Variants in MATN2 observed in about 807,000 individuals in gnomAD.
MATN2 encodes matrilin-2.
A neutral mutation model predicts 103.2 loss-of-function variants in MATN2; 69 were observed. The ratio of observed to expected loss-of-function variants is 0.67; its 90% confidence interval spans 0.55 to 0.82. MATN2 has a LOEUF of 0.82. Ranked by LOEUF, MATN2 falls within the 40% of genes least tolerant of loss-of-function variation. MATN2 has a pLI of 0.00. For missense variants in MATN2, 1,023 were observed against 1,211.5 expected, an observed-to-expected ratio of 0.84 and a Z score of 2.31; for synonymous variants, 429 against 450.2, an observed-to-expected ratio of 0.95 and a Z score of 0.60.
At position 98,007,451 on chromosome 8, in the gene MATN2, A is replaced by T. The variant is rs764702475; in HGVS notation, c.1451-28A>T. The stretch of plus-strand genomic sequence containing the variant: ...CTGTCGCCCAGAGGTCTCACTGATA[A>T]AGGGCTGCCTGGCTTTTGGTTTTGC... On this transcript the variant is annotated intron_variant, in intron 9 of 18. Coordinates refer to ENST00000254898, the MANE Select transcript of MATN2 (RefSeq NM_002380.5). The surrounding 1 kb of genome is among the most constrained non-coding windows in gnomAD (Gnocchi z 4.2). The T allele has an allele frequency of 8.1e-6, 13 of 1,603,856 alleles. No individual in the cohort carries two copies. In the South Asian group the frequency reaches 1.4e-4, roughly 18 times the overall value.
intron 3 of MATN2, among the ~76,000 whole-genome samples, chr8:97,935,875 T>C (rs1257405313): frequency 5.3e-5 from 8 of 152,210 alleles, no homozygotes; most frequent in East Asian, 3.9e-4. Flanking sequence ...GGACAGGTTC[T>C]GTCTGGGTGT....
intron 2 of MATN2, among the ~76,000 whole-genome samples, chr8:97,891,976 C>T (rs1424034108): frequency 6.6e-6 from 1 of 151,978 alleles, no homozygotes; most frequent in Non-Finnish European, 1.5e-5. Flanking sequence ...GTGGCTCACA[C>T]CTGTAATCCC....
chr8:97,870,688 G>A (rs943059855), intron 1 of MATN2, among the ~76,000 whole-genome samples: 1 of 152,196 alleles, frequency 6.6e-6, no homozygotes, highest in African/African-American at 2.4e-5. Context: ...ATGGGTACGT[G>A]AGGGTGGCAG....
At position 97,888,236 on chromosome 8, in the gene MATN2, C is replaced by T; in HGVS notation, c.136C>T (p.Leu46Phe). ...CGCTCGGACCCACCCGCAGACGGCC[C>T]TTCTGGGTGAGTGGTGGTGCTCACC... Reference protein sequence around the residue: ...RHARTHPQTALLESSCENKRA... With the variant: ...RHARTHPQTAFLESSCENKRA... The change falls in exon 2 of 19, where the codon CTT (leucine) becomes TTT (phenylalanine). Residue 46 changes from leucine to phenylalanine, a missense_variant. By Grantham distance (22) the Leu-to-Phe change is conservative (BLOSUM62 0). Transcript: ENST00000254898. 1 of 1,555,932 alleles carries T rather than the reference C, an allele frequency of 6.4e-7. No individual in the cohort carries two copies. The highest frequency in any genetic ancestry group is 8.7e-7 in the Non-Finnish European group (1 of 1,148,678).
chr8:97,936,826 G>C (rs1810384194), intron 3 of MATN2, among the ~76,000 whole-genome samples: 1 of 152,202 alleles, frequency 6.6e-6, no homozygotes, highest in Non-Finnish European at 1.5e-5. Flanking sequence ...ATGAGGCCTG[G>C]ATGCTCTGAA....
chr8:97,928,551 C>CT (rs1365892770), intron 2 of MATN2, among the ~76,000 whole-genome samples: 1 of 152,154 alleles, frequency 6.6e-6, no homozygotes, highest in Non-Finnish European at 1.5e-5. Flanking sequence ...TAAGGTGCCT[C>CT]TTAGGGTGGC....
Position 98,007,658 on chromosome 8 carries a change from G to A in MATN2, c.1573+57G>A, listed in dbSNP as rs1238926392. The A allele has an allele frequency of 6.4e-7, 1 of 1,571,134 alleles. No individual in the cohort carries two copies. The highest frequency in any genetic ancestry group is 8.7e-7 in the Non-Finnish European group (1 of 1,151,876). ...CAGGTGTTCCGTGGGTGCCGGTGTGGGTGCGCTGCCGACGTGTATATGTGC... is the reference window on the plus strand; with the variant it reads ...CAGGTGTTCCGTGGGTGCCGGTGTGAGTGCGCTGCCGACGTGTATATGTGC... On this transcript the variant is annotated intron_variant, in intron 10 of 18. Coordinates refer to ENST00000254898, the MANE Select transcript of MATN2 (RefSeq NM_002380.5). This position sits in a 1 kb window ranked among gnomAD's most constrained non-coding sequence, Gnocchi z 4.2.
chr8:97,941,821 T>C lies in MATN2; in HGVS notation c.757T>C (p.Cys253Arg). The C allele has an allele frequency of 6.2e-7, 1 of 1,612,178 alleles. No homozygotes were observed. Among genetic ancestry groups the C allele is most frequent in the Non-Finnish European group, 8.5e-7 (1 of 1,179,100 alleles). ...CCTGGAGCATAACTGTGCCCACTTC[T>C]GCATCAACATCCCTGGCTCATACGT... ...STLEHNCAHF[C>R]INIPGSYVCR... Residue 253 changes from cysteine to arginine, a missense_variant, in exon 4 of 19, where the codon TGC becomes CGC. Transcript: ENST00000254898.
intron 14 of MATN2, among the ~76,000 whole-genome samples, chr8:98,029,950 C>G (rs76963473): frequency 0.036 from 5,513 of 152,248 alleles, 332 homozygotes; most frequent in African/African-American, 0.12. Flanking sequence ...TGTAGATTAT[C>G]CTTTTCAGCT....
chr8:97,989,132 A>G (rs1335375644), intron 6 of MATN2, among the ~76,000 whole-genome samples: 1 of 152,246 alleles, frequency 6.6e-6, no homozygotes, highest in Non-Finnish European at 1.5e-5. Context: ...GCATTGGATA[A>G]GATCTGACAT....
intron 18 of MATN2, chr8:98,034,028 C>G (rs560222009): frequency 2.5e-6 from 1 of 398,592 alleles, no homozygotes; most frequent in Non-Finnish European, 5.0e-6. Flanking sequence ...TAAGTATAGA[C>G]AAAGAATGTT....
At chr8:97,967,585 T>C (rs1811524630) in intron 5 of MATN2, among the ~76,000 whole-genome samples, 1 of 152,204 alleles carries the variant, frequency 6.6e-6, no homozygotes, top group South Asian at 2.1e-4. Flanking sequence ...GGGCAGCCAT[T>C]ACATTTTAAA....
intron 5 of MATN2, among the ~76,000 whole-genome samples, chr8:97,976,415 G>A (rs1811839360): frequency 6.6e-6 from 1 of 152,158 alleles, no homozygotes; most frequent in South Asian, 2.1e-4. Context: ...GGCCTAGACT[G>A]AAACTTAATG....
intron 2 of MATN2, among the ~76,000 whole-genome samples, chr8:97,917,872 C>T (rs1183022456): frequency 3.3e-5 from 5 of 152,110 alleles, no homozygotes; most frequent in Non-Finnish European, 7.4e-5. Flanking sequence ...ATTGTCTGAG[C>T]TCAGGAGTTT....
intron 6 of MATN2, among the ~76,000 whole-genome samples, chr8:97,981,841 G>A (rs1812034900): frequency 6.6e-6 from 1 of 152,162 alleles, no homozygotes; most frequent in East Asian, 1.9e-4. Flanking sequence ...AGCCCAGGGT[G>A]GTGCAGGCAA....
chr8:98,027,883 C>T, intron 14 of MATN2, 54 bp downstream of exon 14: 1 of 1,498,734 alleles, frequency 6.7e-7, no homozygotes, highest in Non-Finnish European at 8.9e-7. Context: ...GTTTCTTAAA[C>T]TCACTCAGTG....
At chr8:97,928,218 C>CTTTTT (rs34226792) in intron 2 of MATN2, among the ~76,000 whole-genome samples, 2 of 89,300 alleles carry the variant, frequency 2.2e-5, no homozygotes, top group African/African-American at 4.5e-5. Flanking sequence ...GCACTCCTGC[C>CTTTTT]TTTTTTTTTT....
chr8:97,891,586 C>G (rs866929574), intron 2 of MATN2, among the ~76,000 whole-genome samples: 39 of 152,200 alleles, frequency 2.6e-4, no homozygotes, highest in Middle Eastern at 3.4e-3. Context: ...GATCCTCCCC[C>G]CTCAGTCTCC....
chr8:97,966,494 A>T (rs1458342504), intron 5 of MATN2, among the ~76,000 whole-genome samples: 1 of 151,860 alleles, frequency 6.6e-6, no homozygotes, highest in Non-Finnish European at 1.5e-5. Context: ...TGAGCCCAGG[A>T]TGTTGAGACT....
Sources: allele counts gnomAD v4.1 joint callset (sites outside exome capture counted in the v4.1 genomes callset), GRCh38; gene constraint gnomAD v4.1.1; non-coding constraint Gnocchi (gnomAD v3.1); transcripts MANE v1.5; gene names NCBI Gene and HGNC (gene_info 2026-07-23, HGNC 2026-07-21).